DPP6: variants seen among roughly 807,000 people sequenced by gnomAD.
DPP6 encodes the protein dipeptidyl peptidase like 6, also known as A-type potassium channel modulatory protein DPP6.
In DPP6, 69 loss-of-function variants were observed where a neutral mutation model predicts 122.6. The observed-to-expected ratio is 0.56, with a 90% confidence interval of 0.46 to 0.69. The LOEUF is 0.69. DPP6 is among the 30% of genes least tolerant of loss of function. The probability of loss-of-function intolerance (pLI) is 0.00; values close to 1 mark genes in which losing one functional copy is unlikely to be tolerated. For synonymous variants in DPP6, 418 were observed against 433.1 expected (o/e 0.97, Z 0.43); for missense variants, 928 against 1,116.9 (o/e 0.83, Z 2.41).
chr7:154,630,068 A>G (rs1835315054), intron 5 of DPP6, among the ~76,000 whole-genome samples: 1 of 152,218 alleles, frequency 6.6e-6, no homozygotes, highest in Admixed American at 6.5e-5. Flanking sequence ...TATTACACAA[A>G]AGGAAACTGA....
At chr7:154,793,226 A>G (rs916008106) in intron 10 of DPP6, among the ~76,000 whole-genome samples, 1 of 152,206 alleles carries the variant, frequency 6.6e-6, no homozygotes, top group Non-Finnish European at 1.5e-5. Context: ...GAAGGGGTGA[A>G]TGATTGAACG....
At chr7:154,438,597 T>A (rs1819103290) in intron 1 of DPP6, among the ~76,000 whole-genome samples, 1 of 150,052 alleles carries the variant, frequency 6.7e-6, no homozygotes, top group African/African-American at 2.5e-5. Context: ...ACATCAAAAA[T>A]GGAAAGCCAA....
At chr7:154,826,276 T>A (rs190192230) in intron 16 of DPP6, among the ~76,000 whole-genome samples, 10 of 152,256 alleles carry the variant, frequency 6.6e-5, no homozygotes, top group Non-Finnish European at 1.5e-4. Context: ...ATAAAGTCTC[T>A]GTCTTCCTAT....
chr7:154,269,072 A>G (rs1803622408), intron 1 of DPP6, among the ~76,000 whole-genome samples: 1 of 150,740 alleles, frequency 6.6e-6, no homozygotes, highest in Non-Finnish European at 1.5e-5. Flanking sequence ...AATCTGTAAT[A>G]TCAGGATGTT....
chr7:154,214,387 G>T (rs1234274895), intron 1 of DPP6, among the ~76,000 whole-genome samples: 1 of 152,208 alleles, frequency 6.6e-6, no homozygotes, highest in East Asian at 1.9e-4. Context: ...GGTCTTTGCT[G>T]CAGAGAATTC....
intron 8 of DPP6, among the ~76,000 whole-genome samples, chr7:154,741,140 C>G (rs150351972): frequency 1.2e-4 from 18 of 152,302 alleles, no homozygotes; most frequent in African/African-American, 4.1e-4. Flanking sequence ...GTCAGTTGCT[C>G]TTCCCCAGCC....
intron 1 of DPP6, among the ~76,000 whole-genome samples, chr7:153,905,515 C>G (rs1799811671): frequency 2.0e-5 from 3 of 151,914 alleles, no homozygotes; most frequent in African/African-American, 7.3e-5. Flanking sequence ...GTGAAAGATA[C>G]AATGGGTGAG....
At chr7:154,630,442 C>A (rs1227055082) in intron 5 of DPP6, among the ~76,000 whole-genome samples, 1 of 152,162 alleles carries the variant, frequency 6.6e-6, no homozygotes, top group Non-Finnish European at 1.5e-5. Context: ...GGAAAATAAG[C>A]AAGGGGAATG....
intron 1 of DPP6, among the ~76,000 whole-genome samples, chr7:154,161,396 C>G (rs1563262979): frequency 2.0e-5 from 3 of 152,124 alleles, no homozygotes; most frequent in Non-Finnish European, 4.4e-5. Context: ...ACTTGGGAGG[C>G]TGAGGTGGGA....
chr7:154,087,919 A>G (rs1337895270), intron 1 of DPP6, among the ~76,000 whole-genome samples: 1 of 152,242 alleles, frequency 6.6e-6, no homozygotes, highest in African/African-American at 2.4e-5. Context: ...CCAAAAATGC[A>G]CTTCGCACAG....
chr7:154,253,932 C>G (rs529949778), intron 1 of DPP6, among the ~76,000 whole-genome samples: 2 of 152,182 alleles, frequency 1.3e-5, no homozygotes, highest in Admixed American at 6.5e-5. Flanking sequence ...AGAGGGAGAG[C>G]GAGAGAGAGC....
Position 154,892,711 on chromosome 7 carries a change from G to A in DPP6, c.*231G>A, listed in dbSNP as rs373782145. On this transcript the variant is annotated 3_prime_UTR_variant, in exon 26 of 26. Transcript: ENST00000377770. ...GGGACAACGCTGTCCCCGCAGCAGCGCCTCCTCCCGGCGCCCGAGAGACCG... is the reference window on the plus strand; with the variant it reads ...GGGACAACGCTGTCCCCGCAGCAGCACCTCCTCCCGGCGCCCGAGAGACCG... 6 of 915,372 alleles carry A rather than the reference G, an allele frequency of 6.6e-6. No individual in the cohort carries two copies. In the African/African-American group the frequency reaches 8.1e-5, roughly 12 times the overall value. 56.7% of individuals were successfully genotyped at this position (915,372 alleles called of 1,614,324 possible). A position where few individuals can be genotyped will look rare whatever the true frequency, so the allele number is the denominator to read the frequency against.
chr7:154,892,038 C>T (rs1315758743), intron 25 of DPP6, among the ~76,000 whole-genome samples: 1 of 152,156 alleles, frequency 6.6e-6, no homozygotes, highest in African/African-American at 2.4e-5. Context: ...ATTTGCTGTG[C>T]CTGGAGAGGG....
chr7:154,329,560 A>C (rs1054717570), intron 1 of DPP6, among the ~76,000 whole-genome samples: 2 of 152,234 alleles, frequency 1.3e-5, no homozygotes, highest in East Asian at 1.9e-4. Context: ...ATGTGGAGAA[A>C]TAGGAACGCT....
chr7:154,279,493 G>T (rs561589293), intron 1 of DPP6, among the ~76,000 whole-genome samples: 1 of 152,342 alleles, frequency 6.6e-6, no homozygotes, highest in Non-Finnish European at 1.5e-5. Context: ...CGTGTCACTT[G>T]CTGGAACATA....
At chr7:153,985,264 C>G in intron 1 of DPP6, among the ~76,000 whole-genome samples, 1 of 152,174 alleles carries the variant, frequency 6.6e-6, no homozygotes, top group East Asian at 1.9e-4. Flanking sequence ...CAGAAATAAT[C>G]TGTGGAGGGA....
chr7:154,459,645 C>T (rs767319392), intron 2 of DPP6, among the ~76,000 whole-genome samples: 19 of 151,558 alleles, frequency 1.3e-4, no homozygotes, highest in African/African-American at 2.2e-4. Context: ...CCCTGGTCTC[C>T]GTATCTGCTA....
chr7:154,758,829 C>T (rs12533574), intron 8 of DPP6, among the ~76,000 whole-genome samples: 7,093 of 152,300 alleles, frequency 0.047, 279 homozygotes, highest in Admixed American at 0.11. Flanking sequence ...AAGCCAACCC[C>T]TCATTTTACA....
chr7:154,239,684 AGGGCT>A (rs1049408034), intron 1 of DPP6, among the ~76,000 whole-genome samples: 17 of 152,064 alleles, frequency 1.1e-4, no homozygotes, highest in African/African-American at 3.1e-4. Context: ...AAGTTACACA[AGGGCT>A]GGGCTGGGCT....
Sources: allele counts gnomAD v4.1 joint callset (sites outside exome capture counted in the v4.1 genomes callset), GRCh38; gene constraint gnomAD v4.1.1; transcripts MANE v1.5; gene names NCBI Gene and HGNC (gene_info 2026-07-23, HGNC 2026-07-21).